The following DNAH7 variants were observed in gnomAD, a reference collection of about 807,000 sequenced individuals.
DNAH7 encodes axonemal beta dynein heavy chain 7.
DNAH7 carries 397 observed loss-of-function variants against 444.6 expected under a neutral mutation model. That is an observed-to-expected ratio of 0.89 (90% CI 0.82 to 0.97). The LOEUF (loss-of-function observed/expected upper bound fraction) is 0.97, where lower values mean the gene tolerates loss of function less well. Ranked by LOEUF, DNAH7 falls within the 50% of genes least tolerant of loss-of-function variation. The pLI, the probability that DNAH7 is intolerant of heterozygous loss-of-function variation, is 0.00. For synonymous variants in DNAH7, 1,636 were observed against 1,624.4 expected (o/e 1.01, Z -0.17); for missense variants, 4,902 against 4,800.8 (o/e 1.02, Z -0.62).
intron 63 of DNAH7, among the ~76,000 whole-genome samples, chr2:195,751,681 A>G (rs76169006): frequency 0.012 from 1,757 of 152,318 alleles, 23 homozygotes; most frequent in Middle Eastern, 0.065. Flanking sequence ...GAGCCGTTCT[A>G]GAAACTGTCA....
At chr2:195,740,240 C>T (rs1692916763) in intron 64 of DNAH7, among the ~76,000 whole-genome samples, 2 of 152,268 alleles carry the variant, frequency 1.3e-5, no homozygotes, top group South Asian at 4.1e-4. Flanking sequence ...CTGCCTTGGC[C>T]TCCCAAAGTG....
chr2:195,803,928 GCAAGCCCA>G, intron 54 of DNAH7, among the ~76,000 whole-genome samples: 1 of 152,130 alleles, frequency 6.6e-6, no homozygotes. Flanking sequence ...AAAGGAAAGT[GCAAGCCCA>G]TCTCATTTTT....
At chr2:195,991,445 CA>C (rs1403259565) in intron 12 of DNAH7, among the ~76,000 whole-genome samples, 1 of 152,022 alleles carries the variant, frequency 6.6e-6, no homozygotes, top group Non-Finnish European at 1.5e-5. Context: ...TATACATAAA[CA>C]AAAGTGAAAA....
At chr2:195,890,570 T>C (rs1446415650) in intron 31 of DNAH7, among the ~76,000 whole-genome samples, 1 of 152,216 alleles carries the variant, frequency 6.6e-6, no homozygotes, top group Non-Finnish European at 1.5e-5. Context: ...CATCTCTTAT[T>C]CTGAGCCAGA....
rs370843960 is a variant in DNAH7, at chr2:195,935,797, A to C, written c.3272+802T>G. On this transcript the variant is annotated intron_variant, in intron 20 of 64. Coordinates refer to ENST00000312428, the MANE Select transcript of DNAH7 (RefSeq NM_018897.3). ...TTTAACCAGATTTCCACTAAGACTTATAGGAGGTAAAGGAAGAAGTATGAT... is the reference window on the plus strand; with the variant it reads ...TTTAACCAGATTTCCACTAAGACTTCTAGGAGGTAAAGGAAGAAGTATGAT... Among the ~76,000 whole-genome samples the C allele has an allele frequency of 7.9e-5, 12 of 152,132 alleles. No individual in the cohort carries two copies. In the East Asian group the frequency reaches 1.2e-3, roughly 15 times the overall value.
chr2:195,800,497 A>C (rs532426267), intron 54 of DNAH7, among the ~76,000 whole-genome samples: 30 of 152,362 alleles, frequency 2.0e-4, no homozygotes, highest in African/African-American at 7.0e-4. Context: ...AAGAAAATTC[A>C]ATATATAGCA....
intron 63 of DNAH7, among the ~76,000 whole-genome samples, chr2:195,745,960 G>GTTAACATCATAATGACACAATCA (rs1441059324): frequency 1.3e-5 from 2 of 152,176 alleles, no homozygotes; most frequent in Non-Finnish European, 2.9e-5. Flanking sequence ...AAAATAACCA[G>GTTAACATCATAATGACACAATCA]TTAACATCAT....
At chr2:195,798,395 T>C (rs1227741464) in intron 55 of DNAH7, among the ~76,000 whole-genome samples, 1 of 152,152 alleles carries the variant, frequency 6.6e-6, no homozygotes, top group East Asian at 1.9e-4. Context: ...ATTTTAATTG[T>C]ACCAAATCGA....
At chr2:195,759,328 C>G (rs368830759) in intron 61 of DNAH7, among the ~76,000 whole-genome samples, 13 of 152,024 alleles carry the variant, frequency 8.6e-5, no homozygotes, top group African/African-American at 1.2e-4. Context: ...GGGAAGTGCC[C>G]ACTCCTGGTG....
At chr2:195,897,953 A>G (rs1283234206) in intron 28 of DNAH7, among the ~76,000 whole-genome samples, 188 bp from the exon 29 acceptor site, 2 of 151,802 alleles carry the variant, frequency 1.3e-5, no homozygotes, top group Admixed American at 1.3e-4. Context: ...GTTTTTTTTT[A>G]CTAGTTTATA....
At chr2:195,884,998 A>T (rs1178021763) in intron 34 of DNAH7, among the ~76,000 whole-genome samples, 189 bp from the exon 35 acceptor site, 1 of 152,212 alleles carries the variant, frequency 6.6e-6, no homozygotes, top group Non-Finnish European at 1.5e-5. Flanking sequence ...TGCTTATAAA[A>T]TCTTAGAGAA....
chr2:195,738,855 A>AG (rs1180335761), intron 64 of DNAH7, among the ~76,000 whole-genome samples: 1 of 152,212 alleles, frequency 6.6e-6, no homozygotes, highest in Non-Finnish European at 1.5e-5. Context: ...CCCAATGTTC[A>AG]GACCCCTCTT....
rs767687263 is a variant in DNAH7, at chr2:195,910,191, A to C, written c.3940T>G (p.Leu1314Val). The stretch of plus-strand genomic sequence containing the variant: ...AGGTGCAAATGAAGGGCTCCAAATA[A>C]GGTTCTGAAACATATGAAATAGACA... ...TPLTDRCYRTLFGALHLHLGG... is the reference protein window; with the variant it reads ...TPLTDRCYRTVFGALHLHLGG... The change falls in exon 25 of 65, where the codon TTA becomes GTA. Residue 1314 changes from leucine to valine, a missense_variant. Physicochemically the swap from Leu to Val is conservative, Grantham distance 32 (BLOSUM62 1). Transcript: ENST00000312428. The C allele has an allele frequency of 6.2e-7, 1 of 1,603,700 alleles. No individual in the cohort carries two copies. Among genetic ancestry groups the C allele is most frequent in the Admixed American group, 1.7e-5 (1 of 57,684 alleles).
chr2:195,954,869 G>A (rs1048591259), intron 19 of DNAH7, among the ~76,000 whole-genome samples: 12 of 152,096 alleles, frequency 7.9e-5, no homozygotes, highest in African/African-American at 2.9e-4. Flanking sequence ...ACTTGTTGAT[G>A]GGGTTGTTTT....
Position 195,997,980 on chromosome 2 carries a change from A to G in DNAH7, c.1353+2724T>C, listed in dbSNP as rs117726410. On this transcript the variant is annotated intron_variant, in intron 12 of 64. Transcript: ENST00000312428. ...GTATACCAAACCTTAATGACAGGCA[A>G]TTTACTCATGTAACGAACTTACACA... Among the ~76,000 whole-genome samples, 8 of 152,292 alleles carry G rather than the reference A, an allele frequency of 5.3e-5. No homozygotes were observed. The East Asian group carries it at 1.5e-3, about 29-fold the overall frequency.
intron 29 of DNAH7, 91 bp downstream of exon 29, chr2:195,897,576 G>C (rs1040598958): frequency 3.6e-5 from 25 of 688,600 alleles, no homozygotes; most frequent in Non-Finnish European, 7.5e-6. Flanking sequence ...CTGTGTCATT[G>C]TTTTCCATAG....
intron 25 of DNAH7, among the ~76,000 whole-genome samples, chr2:195,909,735 G>A (rs532714137): frequency 2.0e-5 from 3 of 152,210 alleles, no homozygotes; most frequent in Admixed American, 6.5e-5. Flanking sequence ...ACCTTTACAC[G>A]ATGCAATCGT....
At position 195,738,153 on chromosome 2, in the gene DNAH7, T is replaced by TTAAG. The variant is rs759568786; in HGVS notation, c.11869-30_11869-27dup. The TTAAG allele has an allele frequency of 5.0e-6, 8 of 1,593,988 alleles. No individual in the cohort carries two copies. In the Admixed American group the frequency reaches 8.4e-5, roughly 17 times the overall value. ...CTGGAAGAAAGTACATAACACCTCT[T>TTAAG]TAAGTCAAGGCTGTTTGTTAAATGT... On this transcript the variant is annotated intron_variant, in intron 64 of 64. Coordinates refer to ENST00000312428, the MANE Select transcript of DNAH7 (RefSeq NM_018897.3).
At chr2:195,846,976 T>TGTGTGTGTGTGG (rs1699035561) in intron 46 of DNAH7, among the ~76,000 whole-genome samples, 1 of 151,206 alleles carries the variant, frequency 6.6e-6, no homozygotes, top group Non-Finnish European at 1.5e-5. Flanking sequence ...TGTGTGTGTG[T>TGTGTGTGTGTGG]GTGTGTATCC....
Sources: gnomAD v4.1 joint callset for allele counts (sites outside exome capture counted in the v4.1 genomes callset) on GRCh38, gnomAD v4.1.1 for gene constraint, MANE v1.5 for transcripts, NCBI Gene and HGNC (gene_info 2026-07-23, HGNC 2026-07-21) for gene names.